The following ACACB variants were observed in gnomAD, a reference collection of about 807,000 sequenced individuals.
ACACB encodes acetyl-CoA carboxylase 2.
In ACACB, 209 loss-of-function variants were observed where a neutral mutation model predicts 278.8. The observed-to-expected ratio is 0.75, with a 90% CI of 0.67 to 0.84. The LOEUF is 0.84. ACACB is among the 40% of genes least tolerant of loss of function. The probability of loss-of-function intolerance (pLI) is 0.00; values close to 1 mark genes in which losing one functional copy is unlikely to be tolerated. For missense variants in ACACB, 2,850 were observed against 3,269.0 expected, an observed-to-expected ratio of 0.87 and a Z score of 3.13; for synonymous variants, 1,174 against 1,285.6, an observed-to-expected ratio of 0.91 and a Z score of 1.86.
intron 12 of ACACB, among the ~76,000 whole-genome samples, chr12:109,187,045 G>A (rs1451253609): frequency 6.6e-6 from 1 of 151,570 alleles, no homozygotes; most frequent in Non-Finnish European, 1.5e-5. Flanking sequence ...CAGCCTGGCC[G>A]ATGGGGTGAG....
rs1341739656 is a variant in ACACB at position 109,239,932 on chromosome 12, T to G, written c.4765T>G (p.Cys1589Gly). The G allele has an allele frequency of 6.2e-7, 1 of 1,614,216 alleles. No individual in the cohort carries two copies. The highest frequency in any genetic ancestry group is 1.1e-5 in the South Asian group (1 of 91,082). The change falls in exon 35 of 53, where the codon TGC (cysteine) becomes GGC (glycine). Residue 1589 changes from cysteine (C) to glycine (G), a missense_variant. Transcript: ENST00000338432. ...CAATAACACCAGCGTGCGCACCGAC[T>G]GCAACCACATCTTCCTCAACTTCGT... The part of the protein sequence containing the change: ...AFNNTSVRTD[C>G]NHIFLNFVPT...
chr12:109,221,900 G>GGGT (rs2046175187), intron 24 of ACACB, among the ~76,000 whole-genome samples: 1 of 147,592 alleles, frequency 6.8e-6, no homozygotes, highest in African/African-American at 2.6e-5. Context: ...TTTTTGGGGG[G>GGGT]GAGACAGAGT....
chr12:109,169,126 C>T (rs769069144), intron 4 of ACACB, among the ~76,000 whole-genome samples: 5 of 113,214 alleles, frequency 4.4e-5, no homozygotes, highest in Middle Eastern at 9.1e-3. Context: ...GCCTGGGCGA[C>T]AGAGTGAGAC....
At chr12:109,230,268 CCTT>C (rs989224680) in intron 28 of ACACB, among the ~76,000 whole-genome samples, 1 of 152,178 alleles carries the variant, frequency 6.6e-6, no homozygotes, top group Non-Finnish European at 1.5e-5. Context: ...TTGTTTTTAC[CCTT>C]CTTATTTCCA....
chr12:109,189,466 A>T (rs2044784496), intron 13 of ACACB, among the ~76,000 whole-genome samples: 1 of 152,180 alleles, frequency 6.6e-6, no homozygotes, highest in African/African-American at 2.4e-5. Flanking sequence ...GAGTGGACCA[A>T]CCGCAACTTC....
chr12:109,118,004 C>T (rs1264581142), intron 1 of ACACB, among the ~76,000 whole-genome samples: 1 of 152,204 alleles, frequency 6.6e-6, no homozygotes, highest in Non-Finnish European at 1.5e-5. Flanking sequence ...CCCGCCTCGG[C>T]CTCCCAGAGT....
In ACACB at chr12:109,253,117, G is replaced by A; in HGVS notation, c.6004G>A (p.Gly2002Arg). 6.2e-7 allele frequency: 1 copy of A among 1,612,788 alleles called. No individual in the cohort carries two copies. Among genetic ancestry groups the A allele is most frequent in the Non-Finnish European group, 8.5e-7 (1 of 1,179,318 alleles). Residue 2002 changes from glycine to arginine, a missense_variant, in exon 43 of 53, where the codon GGG becomes AGG. Around this residue, in one of 3 missense-constraint regions of ACACB, gnomAD observed 579 missense variants for 684.6 expected, o/e 0.85. Transcript: ENST00000338432. ...CATCACCGTGCCAGATGACTTTGAG[G>A]GGGTTTATACCATCCTGGAGTGGCT... The part of the protein sequence containing the change: ...SHITVPDDFE[G>R]VYTILEWLSY...
chr12:109,194,262 C>G (rs906044968), intron 16 of ACACB, among the ~76,000 whole-genome samples: 3 of 152,112 alleles, frequency 2.0e-5, no homozygotes, highest in Non-Finnish European at 4.4e-5. Flanking sequence ...GTGGCTCAAC[C>G]TTGGCTCACT....
intron 33 of ACACB, 177 bp downstream of exon 33, chr12:109,235,824 C>A (rs2046618035): frequency 1.8e-6 from 1 of 559,596 alleles, no homozygotes. Context: ...ATAGTGAGAC[C>A]CTGTCTCTAC....
intron 16 of ACACB, among the ~76,000 whole-genome samples, chr12:109,195,247 T>C (rs1236340136): frequency 2.6e-5 from 4 of 152,230 alleles, no homozygotes. Context: ...CCTCACATTG[T>C]CAGGAGGGAA....
chr12:109,164,029 TG>T (rs1262857684), intron 2 of ACACB, among the ~76,000 whole-genome samples: 1 of 152,132 alleles, frequency 6.6e-6, no homozygotes, highest in Non-Finnish European at 1.5e-5. Context: ...GCAGCCTCAT[TG>T]GTGGAAGCAG....
intron 35 of ACACB, among the ~76,000 whole-genome samples, 200 bp downstream of exon 35, chr12:109,240,185 G>A (rs2046754604): frequency 1.3e-5 from 2 of 152,174 alleles, no homozygotes; most frequent in South Asian, 4.1e-4. Context: ...CCCTGCACGG[G>A]AATGCTTTAC....
chr12:109,255,231 A>C (rs12302208), intron 44 of ACACB, among the ~76,000 whole-genome samples: 5,095 of 152,296 alleles, frequency 0.033, 274 homozygotes, highest in African/African-American at 0.11. Flanking sequence ...AGTCTGAGCA[A>C]CCAGAACACA....
At chr12:109,156,332 C>T (rs755255976) in intron 2 of ACACB, among the ~76,000 whole-genome samples, 3 of 151,936 alleles carry the variant, frequency 2.0e-5, no homozygotes, top group Non-Finnish European at 4.4e-5. Flanking sequence ...GAGTTCGAGA[C>T]CAGCTTGGGC....
intron 4 of ACACB, among the ~76,000 whole-genome samples, chr12:109,168,548 G>A (rs1593453066): frequency 6.6e-6 from 1 of 152,274 alleles, no homozygotes; most frequent in East Asian, 1.9e-4. Flanking sequence ...CAGAGCGCTG[G>A]CTCACCCCTG....
At chr12:109,170,227 G>A (rs536251191) in intron 4 of ACACB, among the ~76,000 whole-genome samples, 3 of 152,188 alleles carry the variant, frequency 2.0e-5, no homozygotes, top group African/African-American at 7.2e-5. Context: ...ACCACGACTG[G>A]CTAATTTTTG....
In ACACB at chr12:109,140,395, G is replaced by A. The variant is rs576353322; in HGVS notation, c.653+337G>A. Among the ~76,000 whole-genome samples, 4 of 149,918 alleles carry A rather than the reference G, an allele frequency of 2.7e-5. No homozygotes were observed. The South Asian group carries it at 8.4e-4, about 31-fold the overall frequency. ...CTTGAGGCTGGGCACAGTGGCTCAT[G>A]CCTGTAATCCCAGCACTTTGGGAGG... On this transcript the variant is annotated intron_variant, in intron 2 of 52. Coordinates refer to ENST00000338432, the MANE Select transcript of ACACB (RefSeq NM_001093.4).
At chr12:109,257,076 C>T (rs964244921) in intron 45 of ACACB, among the ~76,000 whole-genome samples, 1 of 152,100 alleles carries the variant, frequency 6.6e-6, no homozygotes, top group African/African-American at 2.4e-5. Flanking sequence ...GAGTTCGAGA[C>T]CAGCCTGGCC....
At chr12:109,203,187 A>G (rs2045388114) in intron 19 of ACACB, among the ~76,000 whole-genome samples, 1 of 152,166 alleles carries the variant, frequency 6.6e-6, no homozygotes, top group African/African-American at 2.4e-5. Context: ...CATGTGGCAG[A>G]ATTTCCCTGT....
Sources: allele counts gnomAD v4.1 joint callset (sites outside exome capture counted in the v4.1 genomes callset), GRCh38; gene constraint gnomAD v4.1.1; regional missense constraint gnomAD v4.1.1; transcripts MANE v1.5; gene names NCBI Gene and HGNC (gene_info 2026-07-23, HGNC 2026-07-21).